FAM13B: variants seen among roughly 807,000 people sequenced by gnomAD.
FAM13B encodes the protein protein FAM13B.
In FAM13B, 60 loss-of-function variants were observed where a neutral mutation model predicts 117.3. The observed-to-expected ratio is 0.51, with a 90% CI of 0.42 to 0.63. The LOEUF (loss-of-function observed/expected upper bound fraction) is 0.63. Among genes scored for constraint, FAM13B ranks in the 30% least tolerant of loss-of-function variants. The pLI is 0.00. For missense variants in FAM13B, 972 were observed against 1,091.9 expected (o/e 0.89, Z 1.55); for synonymous variants, 332 against 356.1 (o/e 0.93, Z 0.76).
At position 137,945,438 on chromosome 5, in the gene FAM13B, TAA is replaced by T. The variant is rs139754989; in HGVS notation, c.2340+462_2340+463del. On this transcript the variant is annotated intron_variant, in intron 20 of 23. Transcript: ENST00000689681. Reference sequence around the variant, plus strand: ...TCTCATTAAAAAGATTAACTTATTTTAAAAGTCAGCTTATATCATTATGCAAA... The same window carrying T: ...TCTCATTAAAAAGATTAACTTATTTTAAGTCAGCTTATATCATTATGCAAA... Among the ~76,000 whole-genome samples the T allele has an allele frequency of 5.1e-3, 774 of 152,344 alleles. 5 individuals carry two copies. Among genetic ancestry groups the T allele is most frequent in the African/African-American group, 0.017 (717 of 41,578 alleles).
chr5:138,042,015 T>C (rs1581330562), intron 1 of FAM13B, among the ~76,000 whole-genome samples: 1 of 152,192 alleles, frequency 6.6e-6, no homozygotes, highest in African/African-American at 2.4e-5. Flanking sequence ...GAACTATGAC[T>C]GCACCACTGC....
At position 137,948,083 on chromosome 5, in the gene FAM13B, TC is replaced by T. The variant is rs762445561; in HGVS notation, c.2160+871del. Among the ~76,000 whole-genome samples, 187 of 151,954 alleles carry T rather than the reference TC, an allele frequency of 1.2e-3. 4 individuals carry two copies. Among genetic ancestry groups the T allele is most frequent in the Middle Eastern group, 0.01 (3 of 292 alleles). On this transcript the variant is annotated intron_variant, in intron 18 of 23. Coordinates refer to ENST00000689681, the MANE Select transcript of FAM13B (RefSeq NM_001385994.1). Reference sequence around the variant, plus strand: ...CTGAGACCATCTACTCTCTCCATTCTCCAAGCAAATCTCATCCAATATAAGA... The same window carrying T: ...CTGAGACCATCTACTCTCTCCATTCTCAAGCAAATCTCATCCAATATAAGA...
Position 138,017,721 on chromosome 5 carries a change from AC to A in FAM13B, c.370+580del, listed in dbSNP as rs1476327870. Among the ~76,000 whole-genome samples, 5 of 152,240 alleles carry A rather than the reference AC, an allele frequency of 3.3e-5. No homozygotes were observed. The East Asian group carries it at 9.6e-4, about 29-fold the overall frequency. On this transcript the variant is annotated intron_variant, in intron 4 of 23. Transcript: ENST00000689681. ...TGTTCCTGTTCCACTCTAGCTAAGC[AC>A]TACTTTTTAGTCACCACCAAAAAAA...
Position 138,011,066 on chromosome 5 carries a change from A to T in FAM13B, c.632T>A (p.Phe211Tyr). The change falls in exon 6 of 24, where the codon TTT becomes TAT. Residue 211 changes from phenylalanine (F) to tyrosine (Y), a missense_variant. Coordinates refer to ENST00000689681, the MANE Select transcript of FAM13B (RefSeq NM_001385994.1). The part of the protein sequence containing the change: ...MAGLLENYYE[F>Y]FENEEEDFSS... Reference sequence around the variant, plus strand: ...AAAATCTTCCTCTTCATTCTCAAAAAACTCATAGTAGTTTTCCAGAAGTCC... The same window carrying T: ...AAAATCTTCCTCTTCATTCTCAAAATACTCATAGTAGTTTTCCAGAAGTCC... 6.2e-7 allele frequency: 1 copy of T among 1,609,904 alleles called. No individual in the cohort carries two copies. Among genetic ancestry groups the T allele is most frequent in the Non-Finnish European group, 8.5e-7 (1 of 1,179,258 alleles).
At chr5:138,018,541 A>G in intron 3 of FAM13B, 27 bp from the exon 4 acceptor site, 1 of 1,574,432 alleles carries the variant, frequency 6.4e-7, no homozygotes, top group Non-Finnish European at 8.7e-7. Context: ...CAATCATTCA[A>G]TAAGCTGCAA....
At position 137,938,645 on chromosome 5, in the gene FAM13B, C is replaced by T. The variant is rs955779895; in HGVS notation, c.*1580G>A. ...ACACATTCACTACCAGGTTTTCCCT[C>T]ACCCCCCACCCCCCAGAAAAAGGCA... On this transcript the variant is annotated 3_prime_UTR_variant, in exon 24 of 24. Coordinates refer to ENST00000689681, the MANE Select transcript of FAM13B (RefSeq NM_001385994.1). 3.3e-5 allele frequency: 5 copies of T among 152,300 alleles called. No homozygotes were observed. Among genetic ancestry groups the T allele is most frequent in the Non-Finnish European group, 2.9e-5 (2 of 67,982 alleles). 9.4% of individuals were successfully genotyped at this position (152,300 alleles called of 1,614,324 possible). A position where few individuals can be genotyped will look rare whatever the true frequency, so the allele number is the denominator to read the frequency against.
At position 137,940,294 on chromosome 5, in the gene FAM13B, C is replaced by G; in HGVS notation, c.2745G>C (p.Lys915Asn). 6.2e-7 allele frequency: 1 copy of G among 1,611,438 alleles called. No homozygotes were observed. The highest frequency in any genetic ancestry group is 8.5e-7 in the Non-Finnish European group (1 of 1,177,654). Residue 915 changes from lysine (K) to asparagine (N), a missense_variant, in exon 24 of 24, where the codon AAG becomes AAC. Physicochemically the swap from Lys to Asn is moderately conservative, Grantham distance 94. Coordinates refer to ENST00000689681, the MANE Select transcript of FAM13B (RefSeq NM_001385994.1). Reference sequence around the variant, plus strand: ...GAAGCCTAAGCTTGGCTTTAATTTTCTTGTACTCTCTGTACTCCTCAAGCA... The same window carrying G: ...GAAGCCTAAGCTTGGCTTTAATTTTGTTGTACTCTCTGTACTCCTCAAGCA... ...VPVLEEYREY[K>N]KIKAKLRLLE...
chr5:138,032,866 C>T lies in FAM13B; in HGVS notation c.-287G>A. The T allele has an allele frequency of 1.0e-6, 1 of 985,748 alleles. No individual in the cohort carries two copies. The highest frequency in any genetic ancestry group is 1.2e-6 in the Non-Finnish European group (1 of 829,968). 61.1% of individuals were successfully genotyped at this position (985,748 alleles called of 1,614,324 possible). ...CGGCAAGAGGGCGAGAACTGAGGCC[C>T]CAAGTGGCTCCGCGGCCGAGAAGCC... On this transcript the variant is annotated 5_prime_UTR_variant, in exon 1 of 24. Coordinates refer to ENST00000689681, the MANE Select transcript of FAM13B (RefSeq NM_001385994.1).
intron 1 of FAM13B, among the ~76,000 whole-genome samples, chr5:138,042,586 A>G (rs976881870): frequency 7.2e-5 from 11 of 151,998 alleles, no homozygotes; most frequent in African/African-American, 2.7e-4. Flanking sequence ...TCCCAAAAAA[A>G]GCAAAACTAA....
intron 22 of FAM13B, chr5:137,942,538 A>T (rs1187432022): frequency 4.4e-6 from 1 of 228,312 alleles, no homozygotes; most frequent in African/African-American, 2.3e-5. Context: ...TTTAAACAAA[A>T]TTTTTATACA....
chr5:137,996,997 G>A (rs1780031994), intron 7 of FAM13B, among the ~76,000 whole-genome samples: 3 of 152,196 alleles, frequency 2.0e-5, no homozygotes, highest in African/African-American at 4.8e-5. Context: ...GGTTTCTTAA[G>A]CATGAGCATA....
At chr5:137,976,954 ACT>A (rs1367219977) in intron 10 of FAM13B, among the ~76,000 whole-genome samples, 3 of 152,178 alleles carry the variant, frequency 2.0e-5, no homozygotes, top group Admixed American at 6.5e-5. Flanking sequence ...ATAACCTTAA[ACT>A]CTGACTGCCG....
chr5:138,049,200 C>T (rs1402818177), intron 1 of FAM13B, among the ~76,000 whole-genome samples: 2 of 152,182 alleles, frequency 1.3e-5, no homozygotes, highest in Admixed American at 1.3e-4. Context: ...CCTGGGCCTC[C>T]CAAAGTGCTG....
chr5:137,996,430 C>T (rs568905567), intron 7 of FAM13B, among the ~76,000 whole-genome samples: 4 of 152,152 alleles, frequency 2.6e-5, no homozygotes, highest in African/African-American at 4.8e-5. Context: ...TGAGCCACGG[C>T]GCCTGGCCAG....
intron 1 of FAM13B, among the ~76,000 whole-genome samples, chr5:138,047,982 G>A (rs1581335813): frequency 6.6e-6 from 1 of 152,020 alleles, no homozygotes; most frequent in East Asian, 1.9e-4. Flanking sequence ...AATAACTTTA[G>A]GTTTACAGAA....
chr5:137,941,650 C>A (rs1249992042), intron 23 of FAM13B, among the ~76,000 whole-genome samples: 1 of 152,208 alleles, frequency 6.6e-6, no homozygotes, highest in African/African-American at 2.4e-5. Flanking sequence ...TCTCATTTCA[C>A]AACCACTCCC....
chr5:138,010,957 T>TAAAAA (rs35163730), intron 6 of FAM13B, 51 bp downstream of exon 6: 159 of 1,078,582 alleles, frequency 1.5e-4, no homozygotes, highest in East Asian at 4.8e-4. Flanking sequence ...ATATTATTCT[T>TAAAAA]AAAAAAAAAA....
At chr5:137,996,352 G>GA (rs1779860140) in intron 7 of FAM13B, among the ~76,000 whole-genome samples, 1 of 151,978 alleles carries the variant, frequency 6.6e-6, no homozygotes, top group Non-Finnish European at 1.5e-5. Context: ...CGTTAGCCAG[G>GA]ATGGTCTCGA....
chr5:137,961,314 A>AAACAACAAC (rs56832242), intron 11 of FAM13B, among the ~76,000 whole-genome samples: 3,076 of 151,282 alleles, frequency 0.02, 51 homozygotes, highest in Non-Finnish European at 0.029. Flanking sequence ...CTTTTTCCAA[A>AAACAACAAC]AACAACAACA....
Sources: allele counts gnomAD v4.1 joint callset (sites outside exome capture counted in the v4.1 genomes callset), GRCh38; gene constraint gnomAD v4.1.1; transcripts MANE v1.5; gene names NCBI Gene and HGNC (gene_info 2026-07-23, HGNC 2026-07-21).